GRAMD1B: variants seen among roughly 807,000 people sequenced by gnomAD.
The protein encoded by GRAMD1B is protein Aster-B.
GRAMD1B carries 37 observed loss-of-function variants against 99.7 expected under a neutral mutation model. The observed-to-expected ratio is 0.37, with a 90% confidence interval of 0.29 to 0.49. GRAMD1B has a LOEUF of 0.49. GRAMD1B is among the 20% of genes least tolerant of loss of function. The pLI is 0.98. For synonymous variants in GRAMD1B, 427 were observed against 387.6 expected (o/e 1.10, Z -1.19); for missense variants, 888 against 1,009.2 (o/e 0.88, Z 1.63).
chr11:123,457,396 G>C (rs954136070), intron 1 of GRAMD1B, among the ~76,000 whole-genome samples: 1 of 152,168 alleles, frequency 6.6e-6, no homozygotes, highest in Non-Finnish European at 1.5e-5. Flanking sequence ...TACCCTCGTG[G>C]TTTAGTTCAC....
chr11:123,600,636 G>A, intron 8 of GRAMD1B, 88 bp downstream of exon 8: 1 of 769,134 alleles, frequency 1.3e-6, no homozygotes, highest in African/African-American at 1.7e-5. Context: ...ATCCCCCACT[G>A]ATAGTATTCT....
At chr11:123,531,573 CAA>C (rs1943376344) in intron 2 of GRAMD1B, among the ~76,000 whole-genome samples, 1 of 152,068 alleles carries the variant, frequency 6.6e-6, no homozygotes, top group South Asian at 2.1e-4. Flanking sequence ...TTGTTGTCAT[CAA>C]GTTTATTATT....
chr11:123,454,246 C>T (rs1209051310), intron 1 of GRAMD1B, among the ~76,000 whole-genome samples: 2 of 152,200 alleles, frequency 1.3e-5, no homozygotes, highest in African/African-American at 4.8e-5. Flanking sequence ...TCCTGACATC[C>T]TGTAGATACT....
intron 1 of GRAMD1B, among the ~76,000 whole-genome samples, chr11:123,388,655 C>CAACAGAAT (rs1188419394): frequency 6.6e-6 from 1 of 151,660 alleles, no homozygotes. Context: ...CCAGCCTGGG[C>CAACAGAAT]AACAGAATGA....
chr11:123,619,619 C>T (rs1191903918), intron 19 of GRAMD1B: 2 of 770,724 alleles, frequency 2.6e-6, no homozygotes, highest in East Asian at 1.5e-4. Flanking sequence ...ATGTTTACCG[C>T]CCCCTCCTCT....
In GRAMD1B at chr11:123,563,766, A is replaced by G. The variant is rs146292415; in HGVS notation, c.453-13601A>G. ...CCAGGCTGGGCTTTTTCTTTTTAAAATCATAAATAACTTCCTGATGATAGC... is the reference window on the plus strand; with the variant it reads ...CCAGGCTGGGCTTTTTCTTTTTAAAGTCATAAATAACTTCCTGATGATAGC... On this transcript the variant is annotated intron_variant, in intron 2 of 19. Coordinates refer to ENST00000635736, the MANE Select transcript of GRAMD1B (RefSeq NM_001387025.1). Among the ~76,000 whole-genome samples the G allele has an allele frequency of 5.3e-5, 8 of 152,286 alleles. No homozygotes were observed. In the East Asian group the frequency reaches 1.5e-3, roughly 29 times the overall value.
At chr11:123,530,687 T>G (rs1041440236) in intron 2 of GRAMD1B, among the ~76,000 whole-genome samples, 1 of 152,186 alleles carries the variant, frequency 6.6e-6, no homozygotes, top group Non-Finnish European at 1.5e-5. Context: ...AGCCTCAAGA[T>G]TCTTTCTGTA....
At chr11:123,615,657 A>G (rs968252785) in intron 17 of GRAMD1B, among the ~76,000 whole-genome samples, 1 of 152,270 alleles carries the variant, frequency 6.6e-6, no homozygotes, top group Non-Finnish European at 1.5e-5. Context: ...GACATCTGGA[A>G]TTTAGCAAAG....
In GRAMD1B at chr11:123,532,438, A is replaced by G. The variant is rs181655572; in HGVS notation, c.453-44929A>G. On this transcript the variant is annotated intron_variant, in intron 2 of 19. Coordinates refer to ENST00000635736, the MANE Select transcript of GRAMD1B (RefSeq NM_001387025.1). ...GGAAGATGTGGCTTCTGAGTGCAGG[A>G]AGAGGGGAGAACTGGAAATATGAGT... 4.8e-3 allele frequency among the ~76,000 whole-genome samples: 737 copies of G among 152,350 alleles called. 2 individuals are homozygous for G. The highest frequency in any genetic ancestry group is 0.016 in the African/African-American group (659 of 41,570).
rs144313673 is a variant in GRAMD1B, at chr11:123,597,809, T to C, written c.969+1772T>C. ...ACCTGCATTCTGCCAGCCTGCCTTG[T>C]TTCTACAAGTTGCATGCTAGACCAT... On this transcript the variant is annotated intron_variant, in intron 7 of 19. Transcript: ENST00000635736. 710 of 612,272 alleles carry C rather than the reference T, an allele frequency of 1.2e-3. 5 individuals carry two copies. The African/African-American group carries it at 0.012, about 11-fold the overall frequency. The allele number at this position is 612,272 out of a possible 1,614,324, so 37.9% of individuals were successfully genotyped here. A position where few individuals can be genotyped will look rare whatever the true frequency, so the allele number is the denominator to read the frequency against.
intron 2 of GRAMD1B, among the ~76,000 whole-genome samples, chr11:123,500,057 G>A (rs1939701619): frequency 6.6e-6 from 1 of 152,208 alleles, no homozygotes. Flanking sequence ...GCCGGACGCA[G>A]TGGCTCACGC....
chr11:123,389,681 A>T (rs1162471106), intron 1 of GRAMD1B, among the ~76,000 whole-genome samples: 1 of 152,162 alleles, frequency 6.6e-6, no homozygotes, highest in African/African-American at 2.4e-5. Context: ...CTAACGTGAG[A>T]TGTTAATAAT....
chr11:123,590,897 A>G (rs1950577518), intron 4 of GRAMD1B, among the ~76,000 whole-genome samples: 1 of 152,054 alleles, frequency 6.6e-6, no homozygotes. Flanking sequence ...GCTGCGTCTA[A>G]GTGACTGGCG....
At chr11:123,401,308 G>T (rs1947652488) in intron 1 of GRAMD1B, among the ~76,000 whole-genome samples, 1 of 152,146 alleles carries the variant, frequency 6.6e-6, no homozygotes, top group Non-Finnish European at 1.5e-5. Context: ...TGGCTATTCT[G>T]CTAGAAGCAT....
intron 1 of GRAMD1B, among the ~76,000 whole-genome samples, chr11:123,432,555 C>CA (rs11380139): frequency 0.66 from 83,194 of 126,150 alleles, 26,325 homozygotes; most frequent in East Asian, 0.86. Context: ...GACTCTGTCT[C>CA]AAAAAAAAAA....
At chr11:123,366,180 G>T (rs1339914353) in intron 1 of GRAMD1B, among the ~76,000 whole-genome samples, 1 of 152,162 alleles carries the variant, frequency 6.6e-6, no homozygotes, top group Admixed American at 6.5e-5. Context: ...CCTGCTATTT[G>T]TCTGAGAAAG....
In GRAMD1B at chr11:123,549,541, C is replaced by CA. The variant is rs113872823; in HGVS notation, c.453-27816dup. On this transcript the variant is annotated intron_variant, in intron 2 of 19. Coordinates refer to ENST00000635736, the MANE Select transcript of GRAMD1B (RefSeq NM_001387025.1). ...TAGGCGACAGAGTGAGACTCAGTCT[C>CA]AAAAAAAAAAGAATGATTGTGGACC... is the stretch of plus-strand genomic sequence containing the variant. Among the ~76,000 whole-genome samples the CA allele has an allele frequency of 3.2e-3, 458 of 144,854 alleles. 2 individuals are homozygous for CA. The highest frequency in any genetic ancestry group is 9.0e-3 in the African/African-American group (356 of 39,430).
intron 2 of GRAMD1B, among the ~76,000 whole-genome samples, chr11:123,508,553 T>G (rs1329487818): frequency 6.6e-6 from 1 of 152,216 alleles, no homozygotes; most frequent in Non-Finnish European, 1.5e-5. Flanking sequence ...GCCAGACCCG[T>G]GAGCACTGTG....
Position 123,625,973 on chromosome 11 carries a change from A to AGAGAGAGAGAGGGAGAGAGAGAGG in GRAMD1B, c.*3386_*3387insGAGGGAGAGAGAGAGGGAGAGAGA, listed in dbSNP as rs34697633. 7.2e-6 allele frequency: 1 copy of AGAGAGAGAGAGGGAGAGAGAGAGG among 139,748 alleles called. No individual in the cohort carries two copies. The highest frequency in any genetic ancestry group is 1.6e-5 in the Non-Finnish European group (1 of 63,912). The allele number at this position is 139,748 out of a possible 1,614,324, so 8.7% of individuals were successfully genotyped here. On this transcript the variant is annotated 3_prime_UTR_variant, in exon 20 of 20. Coordinates refer to ENST00000635736, the MANE Select transcript of GRAMD1B (RefSeq NM_001387025.1). ...GAGAGAGAGAGAGAGAGAGAGAGAG[A>AGAGAGAGAGAGGGAGAGAGAGAGG]GAGAGAGATCGAGCTTGATGTATTG...
Sources: gnomAD v4.1 joint callset for allele counts (sites outside exome capture counted in the v4.1 genomes callset) on GRCh38, gnomAD v4.1.1 for gene constraint, MANE v1.5 for transcripts, NCBI Gene and HGNC (gene_info 2026-07-23, HGNC 2026-07-21) for gene names.